PRICKLE2: variants seen among roughly 807,000 people sequenced by gnomAD.
PRICKLE2 encodes prickle-like protein 2.
A neutral mutation model predicts 81.4 loss-of-function variants in PRICKLE2; 21 were observed. The ratio of observed to expected loss-of-function variants is 0.26; its 90% CI spans 0.18 to 0.37. The LOEUF (loss-of-function observed/expected upper bound fraction) is 0.37. PRICKLE2 is among the 10% of genes least tolerant of loss of function. The pLI is 1.00. For synonymous variants in PRICKLE2, 456 were observed against 421.5 expected, an observed-to-expected ratio of 1.08 and a Z score of -1.00; for missense variants, 940 against 1,109.0, an observed-to-expected ratio of 0.85 and a Z score of 2.16.
Position 64,206,670 on chromosome 3 carries a change from C to T in PRICKLE2, c.-40-7703G>A, listed in dbSNP as rs370015650. Reference sequence around the variant, plus strand: ...CACTTTCATGCACAGGGACAAGGGGCAGACTGCTTAAAGAGTGGTTCAGCC... The same window carrying T: ...CACTTTCATGCACAGGGACAAGGGGTAGACTGCTTAAAGAGTGGTTCAGCC... On this transcript the variant is annotated intron_variant, in intron 1 of 7. Transcript: ENST00000638394. 2.0e-4 allele frequency among the ~76,000 whole-genome samples: 30 copies of T among 152,312 alleles called. 1 individual carries two copies. The East Asian group carries it at 5.8e-3, about 29-fold the overall frequency.
chr3:64,149,471 G>A (rs2077509104), intron 6 of PRICKLE2, among the ~76,000 whole-genome samples: 1 of 152,184 alleles, frequency 6.6e-6, no homozygotes. Flanking sequence ...GAGCTGCTGG[G>A]GCCCCTTCCC....
chr3:64,100,023 G>T, intron 7 of PRICKLE2, 98 bp from the exon 8 acceptor site: 2 of 1,345,776 alleles, frequency 1.5e-6, no homozygotes, highest in South Asian at 1.2e-5. Flanking sequence ...ATTATATACC[G>T]TTGTGAAGTT....
At chr3:64,155,894 T>C (rs1479478868) in intron 5 of PRICKLE2, among the ~76,000 whole-genome samples, 2 of 152,134 alleles carry the variant, frequency 1.3e-5, no homozygotes, top group African/African-American at 2.4e-5. Flanking sequence ...TGACTGCTAA[T>C]GGATAAAGAG....
intron 3 of PRICKLE2, among the ~76,000 whole-genome samples, chr3:64,160,940 G>C (rs898358513): frequency 2.8e-5 from 4 of 144,318 alleles, no homozygotes; most frequent in Admixed American, 7.5e-5. Context: ...AATATCACCC[G>C]TAAAAACAAA....
intron 7 of PRICKLE2, among the ~76,000 whole-genome samples, chr3:64,138,588 T>C (rs1304134932): frequency 6.6e-6 from 1 of 152,202 alleles, no homozygotes; most frequent in East Asian, 1.9e-4. Flanking sequence ...CCCCTGGAAC[T>C]AAAGATCTGT....
At chr3:64,152,477 C>G (rs2077563168) in intron 6 of PRICKLE2, among the ~76,000 whole-genome samples, 2 of 152,100 alleles carry the variant, frequency 1.3e-5, no homozygotes. Context: ...AGATCTGCCA[C>G]TTATTGGGGG....
intron 7 of PRICKLE2, among the ~76,000 whole-genome samples, chr3:64,137,113 G>C (rs1226026541): frequency 6.6e-6 from 1 of 152,008 alleles, no homozygotes; most frequent in African/African-American, 2.4e-5. Context: ...GGTGAGATTT[G>C]GGCTATATTT....
At chr3:64,112,503 T>A (rs1485213230) in intron 7 of PRICKLE2, among the ~76,000 whole-genome samples, 1 of 152,190 alleles carries the variant, frequency 6.6e-6, no homozygotes, top group East Asian at 1.9e-4. Context: ...GAAGATGGAA[T>A]AATTTTTAAA....
At chr3:64,126,767 G>A (rs566273788) in intron 7 of PRICKLE2, among the ~76,000 whole-genome samples, 8 of 152,138 alleles carry the variant, frequency 5.3e-5, no homozygotes, top group East Asian at 1.9e-4. Context: ...TAGTGGAGAC[G>A]GGGTTTCACC....
At chr3:64,248,907 T>A (rs911930373) in intron 2 of PRICKLE2, among the ~76,000 whole-genome samples, 21 of 152,232 alleles carry the variant, frequency 1.4e-4, no homozygotes, top group African/African-American at 5.1e-4. Context: ...GAAATTCTTT[T>A]TAAATTCCTT....
At chr3:64,121,455 T>C (rs964695439) in intron 7 of PRICKLE2, among the ~76,000 whole-genome samples, 2 of 152,144 alleles carry the variant, frequency 1.3e-5, no homozygotes, top group African/African-American at 4.8e-5. Flanking sequence ...TTGATTCCTG[T>C]TAAAATCCAA....
In PRICKLE2 at chr3:64,225,153, C is replaced by T; in HGVS notation, c.-284G>A. The stretch of plus-strand genomic sequence containing the variant: ...GGAAAACAGCACTGCTGGATCCAGA[C>T]TCTGCTGGGGAATTCACCAAGCAAG... On this transcript the variant is annotated 5_prime_UTR_variant, in exon 1 of 8. Coordinates refer to ENST00000638394, the MANE Select transcript of PRICKLE2 (RefSeq NM_198859.4). 5.1e-6 allele frequency: 5 copies of T among 985,462 alleles called. No individual in the cohort carries two copies. The highest frequency in any genetic ancestry group is 6.0e-6 in the Non-Finnish European group (5 of 830,010). 61.0% of individuals were successfully genotyped at this position (985,462 alleles called of 1,614,324 possible). A position where few individuals can be genotyped will look rare whatever the true frequency, so the allele number is the denominator to read the frequency against.
chr3:64,234,508 A>T (rs1487419600), intron 2 of PRICKLE2, among the ~76,000 whole-genome samples: 1 of 152,168 alleles, frequency 6.6e-6, no homozygotes, highest in Non-Finnish European at 1.5e-5. Flanking sequence ...AATTGGGCAC[A>T]CGTGTTAAAA....
At chr3:64,253,604 G>A (rs1476855244) in intron 2 of PRICKLE2, among the ~76,000 whole-genome samples, 1 of 152,126 alleles carries the variant, frequency 6.6e-6, no homozygotes, top group Non-Finnish European at 1.5e-5. Context: ...ACCTTATACT[G>A]GTAGAATACC....
intron 7 of PRICKLE2, among the ~76,000 whole-genome samples, chr3:64,131,733 G>C (rs2077199756): frequency 6.6e-6 from 1 of 152,154 alleles, no homozygotes; most frequent in African/African-American, 2.4e-5. Context: ...TTTTTCTTCT[G>C]TTATAAATGG....
At chr3:64,107,325 G>A (rs1429397593) in intron 7 of PRICKLE2, among the ~76,000 whole-genome samples, 1 of 152,172 alleles carries the variant, frequency 6.6e-6, no homozygotes, top group Non-Finnish European at 1.5e-5. Flanking sequence ...GAAAATCAAT[G>A]TTCTTCAAAG....
chr3:64,254,657 G>C (rs1484450099), intron 2 of PRICKLE2, among the ~76,000 whole-genome samples: 2 of 152,172 alleles, frequency 1.3e-5, no homozygotes, highest in Non-Finnish European at 2.9e-5. Context: ...TTTGAGCCCA[G>C]ATCAAATGTC....
At chr3:64,179,083 T>C (rs2078081555) in intron 2 of PRICKLE2, among the ~76,000 whole-genome samples, 1 of 151,456 alleles carries the variant, frequency 6.6e-6, no homozygotes, top group Non-Finnish European at 1.5e-5. Context: ...TCTCTCTCTG[T>C]CTCTTTCTTT....
In PRICKLE2 at chr3:64,099,905, C is replaced by T. The variant is rs1225130013; in HGVS notation, c.1681G>A (p.Ala561Thr). 2.5e-6 allele frequency: 4 copies of T among 1,614,072 alleles called. No individual in the cohort carries two copies. The African/African-American group carries it at 4.0e-5, about 16-fold the overall frequency. Residue 561 changes from alanine (A) to threonine (T), a missense_variant, in exon 8 of 8, where the codon GCC (alanine) becomes ACC (threonine). By Grantham distance (58) the Ala-to-Thr change is moderately conservative. Transcript: ENST00000638394. The surrounding 1 kb of genome is among the most constrained non-coding windows in gnomAD (Gnocchi z 4.3). ...NATGLSADGG[A>T]KRQEHLSRFS... ...CGGGATAGGTGCTCCTGGCGCTTGG[C>T]ACCACCATCAGCAGAGAGGCCTGGG...
Sources: gnomAD v4.1 joint callset for allele counts (sites outside exome capture counted in the v4.1 genomes callset) on GRCh38, gnomAD v4.1.1 for gene constraint, Gnocchi (gnomAD v3.1) non-coding constraint, MANE v1.5 for transcripts, NCBI Gene and HGNC (gene_info 2026-07-23, HGNC 2026-07-21) for gene names.